Variants in PCCA observed in about 807,000 individuals in gnomAD.
PCCA encodes propionyl-CoA carboxylase alpha chain, mitochondrial.
In PCCA, 74 loss-of-function variants were observed where a neutral mutation model predicts 101.3. That is an observed-to-expected ratio of 0.73 (90% confidence interval 0.61 to 0.89). The LOEUF is 0.89. Ranked by LOEUF, PCCA falls within the 40% of genes least tolerant of loss-of-function variation. The probability of loss-of-function intolerance (pLI) is 0.00; values close to 1 mark genes in which losing one functional copy is unlikely to be tolerated. For missense variants in PCCA, 891 were observed against 907.0 expected (o/e 0.98, Z 0.23); for synonymous variants, 294 against 313.6 (o/e 0.94, Z 0.66).
intron 21 of PCCA, among the ~76,000 whole-genome samples, chr13:100,502,815 A>T (rs984655442): frequency 1.3e-5 from 2 of 152,252 alleles, no homozygotes; most frequent in African/African-American, 4.8e-5. Flanking sequence ...TGTCTGTTAC[A>T]TGCAGATAAC....
chr13:100,259,759 A>G (rs911618580), intron 9 of PCCA, among the ~76,000 whole-genome samples: 5 of 152,214 alleles, frequency 3.3e-5, no homozygotes, highest in African/African-American at 1.2e-4. Context: ...CATGATTGGG[A>G]AACTGATTGT....
chr13:100,312,375 A>G (rs1383710753), intron 16 of PCCA, among the ~76,000 whole-genome samples: 1 of 152,152 alleles, frequency 6.6e-6, no homozygotes, highest in Non-Finnish European at 1.5e-5. Flanking sequence ...TGTCGAGAGT[A>G]CCTCACTTTG....
At position 100,183,159 on chromosome 13, in the gene PCCA, C is replaced by T. The variant is rs1271872266; in HGVS notation, c.468+25819C>T. 5.9e-5 allele frequency among the ~76,000 whole-genome samples: 9 copies of T among 151,860 alleles called. No homozygotes were observed. The South Asian group carries it at 1.5e-3, about 25-fold the overall frequency. ...GTGTGGGTGCATGCATGCGTGTGTA[C>T]GAAGGATTCATGAGGGGGAGTATTT... On this transcript the variant is annotated intron_variant, in intron 6 of 23. Coordinates refer to ENST00000376285, the MANE Select transcript of PCCA (RefSeq NM_000282.4).
At chr13:100,387,741 T>C (rs1001276121) in intron 19 of PCCA, among the ~76,000 whole-genome samples, 2 of 152,192 alleles carry the variant, frequency 1.3e-5, no homozygotes, top group Admixed American at 6.5e-5. Context: ...TTTTGAAACA[T>C]AGGACTAAAT....
At chr13:100,501,900 T>TAAATAAATAAATAAATAAAA (rs1300510099) in intron 21 of PCCA, among the ~76,000 whole-genome samples, 2 of 146,680 alleles carry the variant, frequency 1.4e-5, no homozygotes, top group South Asian at 2.1e-4. Context: ...AATAAATAAA[T>TAAATAAATAAATAAATAAAA]AAAATGCACC....
intron 1 of PCCA, among the ~76,000 whole-genome samples, chr13:100,101,145 G>T (rs1026387528): frequency 6.6e-6 from 1 of 152,140 alleles, no homozygotes; most frequent in African/African-American, 2.4e-5. Context: ...AGGCATCTAT[G>T]CTTTTTACAG....
intron 19 of PCCA, among the ~76,000 whole-genome samples, chr13:100,377,129 G>T (rs2075964126): frequency 1.3e-5 from 2 of 152,110 alleles, no homozygotes; most frequent in Admixed American, 1.3e-4. Flanking sequence ...CTTGCCCTTT[G>T]TGGGCTGCAC....
chr13:100,345,139 G>A (rs537069274), intron 18 of PCCA, among the ~76,000 whole-genome samples: 4 of 152,342 alleles, frequency 2.6e-5, no homozygotes, highest in African/African-American at 9.6e-5. Context: ...AAGTGTTCAA[G>A]TGAAAGGAAT....
At chr13:100,119,572 G>A (rs549416749) in intron 4 of PCCA, among the ~76,000 whole-genome samples, 1 of 152,126 alleles carries the variant, frequency 6.6e-6, no homozygotes, top group Non-Finnish European at 1.5e-5. Context: ...TGTTGAATAG[G>A]CTCATGGTTT....
At chr13:100,102,041 T>C (rs1323074190) in intron 1 of PCCA, among the ~76,000 whole-genome samples, 2 of 152,200 alleles carry the variant, frequency 1.3e-5, no homozygotes, top group Admixed American at 1.3e-4. Flanking sequence ...CTGGTTTTTT[T>C]CCTCCATTTT....
intron 20 of PCCA, among the ~76,000 whole-genome samples, chr13:100,437,658 T>C (rs923905409): frequency 1.3e-5 from 2 of 152,130 alleles, no homozygotes; most frequent in African/African-American, 2.4e-5. Context: ...ATTTCTTTGT[T>C]TTAATTAATT....
At chr13:100,273,922 C>T (rs1478560498) in intron 12 of PCCA, among the ~76,000 whole-genome samples, 1 of 152,164 alleles carries the variant, frequency 6.6e-6, no homozygotes, top group Non-Finnish European at 1.5e-5. Flanking sequence ...TATTTCCTTC[C>T]TTCTTCCCTT....
chr13:100,195,148 G>T (rs574770059), intron 6 of PCCA, among the ~76,000 whole-genome samples: 1 of 152,134 alleles, frequency 6.6e-6, no homozygotes, highest in African/African-American at 2.4e-5. Context: ...TTTATATGAG[G>T]TATAGAGGAA....
chr13:100,421,500 C>T (rs946506934), intron 19 of PCCA, among the ~76,000 whole-genome samples: 2 of 151,982 alleles, frequency 1.3e-5, no homozygotes, highest in Non-Finnish European at 2.9e-5. Flanking sequence ...TAAGTTTTTA[C>T]ATTCTACAGA....
chr13:100,432,375 C>T (rs2079620630), intron 20 of PCCA, among the ~76,000 whole-genome samples: 1 of 152,144 alleles, frequency 6.6e-6, no homozygotes, highest in African/African-American at 2.4e-5. Context: ...AGCTCTCAGT[C>T]AGTTGCACTC....
intron 6 of PCCA, 56 bp downstream of exon 6, chr13:100,157,396 A>C: frequency 8.4e-7 from 1 of 1,184,914 alleles, no homozygotes; most frequent in East Asian, 2.3e-5. Flanking sequence ...GCAGTGTGGT[A>C]GCATGGCTTT....
intron 21 of PCCA, among the ~76,000 whole-genome samples, chr13:100,455,477 C>T (rs565015230): frequency 6.6e-6 from 1 of 152,258 alleles, no homozygotes; most frequent in African/African-American, 2.4e-5. Flanking sequence ...ATTCTGGAAT[C>T]ATCTGTGACT....
At chr13:100,509,826 T>TTTTTTGTTTTG (rs142898031) in intron 21 of PCCA, among the ~76,000 whole-genome samples, 5 of 149,568 alleles carry the variant, frequency 3.3e-5, no homozygotes, top group East Asian at 2.0e-4. Context: ...TTTTGTGTTT[T>TTTTTTGTTTTG]TTTTGTTTTG....
chr13:100,431,739 G>A lies in PCCA; in HGVS notation c.1845+6008G>A, dbSNP rs184984709. 4.3e-3 allele frequency among the ~76,000 whole-genome samples: 659 copies of A among 152,158 alleles called. 5 individuals are homozygous for A. The highest frequency in any genetic ancestry group is 0.014 in the African/African-American group (600 of 41,488). Reference sequence around the variant, plus strand: ...AAATTAGCTGGGTGTGGTGGCGGGCGCCTGTAGTCCCAGCTGCGTGGGAGG... The same window carrying A: ...AAATTAGCTGGGTGTGGTGGCGGGCACCTGTAGTCCCAGCTGCGTGGGAGG... On this transcript the variant is annotated intron_variant, in intron 20 of 23. Coordinates refer to ENST00000376285, the MANE Select transcript of PCCA (RefSeq NM_000282.4).
Sources: gnomAD v4.1 joint callset for allele counts (sites outside exome capture counted in the v4.1 genomes callset) on GRCh38, gnomAD v4.1.1 for gene constraint, MANE v1.5 for transcripts, NCBI Gene and HGNC (gene_info 2026-07-23, HGNC 2026-07-21) for gene names.